Variants in ARHGAP6 observed in about 807,000 individuals in gnomAD.
ARHGAP6 encodes Rho GTPase activating protein 6.
In ARHGAP6, 16 loss-of-function variants were observed where a neutral mutation model predicts 55.7. The observed-to-expected ratio is 0.29, with a 90% CI of 0.19 to 0.44. The LOEUF is 0.44. Ranked by LOEUF, ARHGAP6 falls within the 20% of genes least tolerant of loss-of-function variation. The pLI is 1.00. For synonymous variants in ARHGAP6, 382 were observed against 360.9 expected (o/e 1.06, Z -0.66); for missense variants, 698 against 808.9 (o/e 0.86, Z 1.66).
rs777359479 is a variant in ARHGAP6, at chrX:11,396,718, C to G, written c.589-142011G>C. ...GAGACGCTGACTTACATTAGGGAAG[C>G]CTATACAACTGATTATCCTCATTAC... On this transcript the variant is annotated intron_variant, in intron 1 of 12. Coordinates refer to ENST00000337414, the MANE Select transcript of ARHGAP6 (RefSeq NM_013427.3). 5.4e-5 allele frequency among the ~76,000 whole-genome samples: 6 copies of G among 111,358 alleles called. 1 individual carries two copies. The East Asian group carries it at 1.7e-3, about 31-fold the overall frequency.
intron 8 of ARHGAP6, among the ~76,000 whole-genome samples, chrX:11,174,622 CTTTT>C (rs1181075762): frequency 7.9e-5 from 4 of 50,768 alleles, no homozygotes; most frequent in East Asian, 5.3e-4. Flanking sequence ...CTTTCTCTTT[CTTTT>C]CTTTCTTTCT....
chrX:11,578,862 G>C (rs983918667), intron 1 of ARHGAP6, among the ~76,000 whole-genome samples: 1 of 111,184 alleles, frequency 9.0e-6, no homozygotes, highest in African/African-American at 3.3e-5. Context: ...AAAAAAGGAC[G>C]AGTTCATGTC....
At chrX:11,518,475 T>C (rs1483601891) in intron 1 of ARHGAP6, among the ~76,000 whole-genome samples, 124 of 100,893 alleles carry the variant, frequency 1.2e-3, no homozygotes, top group African/African-American at 4.3e-3. Context: ...TTTTTTTTTT[T>C]TTTTTGACCT....
chrX:11,356,628 T>G (rs1194018544), intron 1 of ARHGAP6, among the ~76,000 whole-genome samples: 1 of 111,401 alleles, frequency 9.0e-6, no homozygotes, highest in Non-Finnish European at 1.9e-5. Flanking sequence ...TTAAATCTCT[T>G]GATCACTGTT....
intron 1 of ARHGAP6, among the ~76,000 whole-genome samples, chrX:11,550,320 G>GT (rs2051254086): frequency 8.9e-6 from 1 of 111,885 alleles, no homozygotes. Flanking sequence ...AAAAAATACA[G>GT]GAACCTTGGC....
intron 1 of ARHGAP6, among the ~76,000 whole-genome samples, chrX:11,381,786 G>A (rs192336031): frequency 1.9e-3 from 213 of 112,069 alleles, no homozygotes; most frequent in Non-Finnish European, 3.6e-3. Flanking sequence ...ATGAATTCAC[G>A]AGAGAAGGCA....
chrX:11,347,067 G>A (rs1418797097), intron 1 of ARHGAP6, among the ~76,000 whole-genome samples: 1 of 112,180 alleles, frequency 8.9e-6, no homozygotes, highest in Admixed American at 9.4e-5. Flanking sequence ...CCATTTCCTA[G>A]AGTAAGACTA....
intron 1 of ARHGAP6, among the ~76,000 whole-genome samples, chrX:11,404,390 C>A (rs1366708580): frequency 4.5e-5 from 5 of 112,133 alleles, no homozygotes; most frequent in Non-Finnish European, 9.4e-5. Flanking sequence ...ATGAAGTAGT[C>A]TTCCAATCTA....
At chrX:11,253,270 G>C (rs967578772) in intron 2 of ARHGAP6, among the ~76,000 whole-genome samples, 1 of 110,822 alleles carries the variant, frequency 9.0e-6, no homozygotes, top group Non-Finnish European at 1.9e-5. Context: ...AATCAACCCT[G>C]CTTGAGAACC....
intron 1 of ARHGAP6, among the ~76,000 whole-genome samples, chrX:11,590,942 G>A (rs2051822157): frequency 9.7e-6 from 1 of 102,685 alleles, no homozygotes; most frequent in African/African-American, 3.7e-5. Context: ...AAGTTAAGTT[G>A]AATCATTTGA....
intron 1 of ARHGAP6, among the ~76,000 whole-genome samples, chrX:11,546,085 T>A (rs1294362424): frequency 9.0e-6 from 1 of 110,976 alleles, no homozygotes; most frequent in Non-Finnish European, 1.9e-5. Flanking sequence ...AAATGAACTA[T>A]GATTTAAGGG....
intron 1 of ARHGAP6, among the ~76,000 whole-genome samples, chrX:11,596,590 T>C (rs2051906824): frequency 9.0e-6 from 1 of 111,545 alleles, no homozygotes; most frequent in Non-Finnish European, 1.9e-5. Flanking sequence ...AAAAAGAACT[T>C]AGACTACTCC....
In ARHGAP6 at chrX:11,614,220, A is replaced by G. The variant is rs746877037; in HGVS notation, c.588+50021T>C. The stretch of plus-strand genomic sequence containing the variant: ...AACTCTTACTCCAGCCTTCTCCCCC[A>G]AGTGTTGAGAAAGGGATTGTTTCAG... On this transcript the variant is annotated intron_variant, in intron 1 of 12. Transcript: ENST00000337414. 2.7e-5 allele frequency among the ~76,000 whole-genome samples: 3 copies of G among 111,637 alleles called. No individual in the cohort carries two copies. In the South Asian group the frequency reaches 1.2e-3, roughly 43 times the overall value.
chrX:11,541,526 A>T (rs1569389721), intron 1 of ARHGAP6, among the ~76,000 whole-genome samples: 1 of 112,106 alleles, frequency 8.9e-6, no homozygotes, highest in East Asian at 2.8e-4. Flanking sequence ...TCCCTTCAGG[A>T]TCAGCAAGGC....
intron 1 of ARHGAP6, among the ~76,000 whole-genome samples, chrX:11,562,948 G>C (rs1423161162): frequency 8.9e-6 from 1 of 112,200 alleles, no homozygotes. Flanking sequence ...CATGTCAGCT[G>C]TTATACTTCT....
At chrX:11,465,390 A>T (rs1236354591) in intron 1 of ARHGAP6, among the ~76,000 whole-genome samples, 3 of 112,341 alleles carry the variant, frequency 2.7e-5, no homozygotes, top group African/African-American at 9.7e-5. Flanking sequence ...TAGAAATGTG[A>T]TACAAGCCAT....
chrX:11,389,135 A>T (rs943485600), intron 1 of ARHGAP6, among the ~76,000 whole-genome samples: 1 of 111,719 alleles, frequency 9.0e-6, no homozygotes, highest in Non-Finnish European at 1.9e-5. Context: ...GACCAGGGAC[A>T]CTGCTAAACA....
intron 1 of ARHGAP6, among the ~76,000 whole-genome samples, chrX:11,576,478 T>C (rs1270248498): frequency 2.7e-5 from 3 of 111,982 alleles, no homozygotes; most frequent in Non-Finnish European, 5.6e-5. Flanking sequence ...GTAAGCTCTA[T>C]GCAGGGAAGG....
At chrX:11,300,023 G>A (rs902120494) in intron 1 of ARHGAP6, among the ~76,000 whole-genome samples, 2 of 111,887 alleles carry the variant, frequency 1.8e-5, no homozygotes, top group Non-Finnish European at 3.8e-5. Context: ...GCATGTTTAC[G>A]GAAAATATGG....
Sources: gnomAD v4.1 joint callset for allele counts (sites outside exome capture counted in the v4.1 genomes callset) on GRCh38, gnomAD v4.1.1 for gene constraint, MANE v1.5 for transcripts, NCBI Gene and HGNC (gene_info 2026-07-23, HGNC 2026-07-21) for gene names.